Variants in KIF1A observed in about 807,000 individuals in gnomAD.
KIF1A encodes the protein kinesin-like protein KIF1A.
Under a neutral mutation model 227.3 loss-of-function variants are expected in KIF1A, and 46 were observed. The ratio of observed to expected loss-of-function variants is 0.20; its 90% CI spans 0.16 to 0.26. KIF1A has a LOEUF of 0.26. Ranked by LOEUF, KIF1A falls within the 10% of genes least tolerant of loss-of-function variation. The probability of loss-of-function intolerance (pLI) is 1.00; values close to 1 mark genes in which losing one functional copy is unlikely to be tolerated. For synonymous variants in KIF1A, 1,022 were observed against 1,012.8 expected (o/e 1.01, Z -0.17); for missense variants, 1,683 against 2,485.9 (o/e 0.68, Z 6.87).
chr2:240,722,797 C>T, intron 42 of KIF1A, 141 bp from the exon 43 acceptor site: 1 of 662,702 alleles, frequency 1.5e-6, no homozygotes, highest in Non-Finnish European at 2.4e-6. Context: ...AGACTGACAG[C>T]CCTCAGCTGT....
In KIF1A at chr2:240,771,052, G is replaced by A. The variant is rs1452649799; in HGVS notation, c.1260C>T (p.Ser420=). Residue 420 remains serine, a synonymous_variant, in exon 15 of 49, where the codon TCC becomes TCT. Coordinates refer to ENST00000498729, the MANE Select transcript of KIF1A (RefSeq NM_001244008.2). The stretch of plus-strand genomic sequence containing the variant: ...GGCTGGACACGGAGGCCGCGCGGCT[G>A]GACAGGGCTGAGAGCGAGGATGAGG... ...MSPSSSLSAL[S]SRAASVSSLH... The A allele has an allele frequency of 1.2e-6, 2 of 1,613,310 alleles. No homozygotes were observed. The highest frequency in any genetic ancestry group is 2.2e-5 in the East Asian group (1 of 44,886).
At chr2:240,809,886 T>TA (rs11336419) in intron 1 of KIF1A, among the ~76,000 whole-genome samples, 103 of 145,754 alleles carry the variant, frequency 7.1e-4, no homozygotes, top group East Asian at 4.6e-3. Context: ...TAAAGTATAA[T>TA]AAAAAAAAAA....
At chr2:240,796,295 C>A (rs576762969) in intron 2 of KIF1A, among the ~76,000 whole-genome samples, 8 of 152,230 alleles carry the variant, frequency 5.3e-5, no homozygotes, top group Non-Finnish European at 8.8e-5. Flanking sequence ...GCACTTTCTC[C>A]GACCACAAAA....
chr2:240,795,161 A>C (rs1215025655), intron 2 of KIF1A, among the ~76,000 whole-genome samples: 1 of 152,120 alleles, frequency 6.6e-6, no homozygotes, highest in Non-Finnish European at 1.5e-5. Flanking sequence ...TGCCCAAAAA[A>C]AGTGTAGGGG....
In KIF1A at chr2:240,792,313, G is replaced by T. The variant is rs1473344292; in HGVS notation, c.107-3001C>A. ...TTCCTTGTGCAGGTTTGAGGAGGGA[G>T]GAGGGAGAAACAGGTCCTCCCAGGG... On this transcript the variant is annotated intron_variant, in intron 2 of 48. Transcript: ENST00000498729. This position sits in a 1 kb window ranked among gnomAD's most constrained non-coding sequence, Gnocchi z 4.5. 6.6e-6 allele frequency among the ~76,000 whole-genome samples: 1 copy of T among 152,072 alleles called. No homozygotes were observed. Among genetic ancestry groups the T allele is most frequent in the Non-Finnish European group, 1.5e-5 (1 of 68,004 alleles).
Position 240,725,574 on chromosome 2 carries a change from C to T in KIF1A, c.4123-170G>A, listed in dbSNP as rs150197550. ...GCAGGAGAAAGTCTCTGCTCCTGCC[C>T]TCGAGAAAACCCCACTGGGGACAGG... On this transcript the variant is annotated intron_variant, in intron 39 of 48. Coordinates refer to ENST00000498729, the MANE Select transcript of KIF1A (RefSeq NM_001244008.2). This position sits in a 1 kb window ranked among gnomAD's most constrained non-coding sequence, Gnocchi z 5.8. 36 of 670,788 alleles carry T rather than the reference C, an allele frequency of 5.4e-5. No individual in the cohort carries two copies. The South Asian group carries it at 7.2e-4, about 13-fold the overall frequency. 41.6% of individuals were successfully genotyped at this position (670,788 alleles called of 1,614,324 possible).
chr2:240,810,912 G>A (rs2057814951), intron 1 of KIF1A, among the ~76,000 whole-genome samples: 1 of 152,236 alleles, frequency 6.6e-6, no homozygotes, highest in Admixed American at 6.5e-5. Flanking sequence ...GGTCGGCCGA[G>A]ATGCCGGGTG....
chr2:240,785,870 G>C (rs1030844979), intron 6 of KIF1A, among the ~76,000 whole-genome samples: 1 of 152,180 alleles, frequency 6.6e-6, no homozygotes, highest in Non-Finnish European at 1.5e-5. Flanking sequence ...GGAGTCTGTT[G>C]CCATGACAAC....
intron 28 of KIF1A, among the ~76,000 whole-genome samples, chr2:240,749,941 G>A (rs949463596): frequency 3.9e-5 from 6 of 152,138 alleles, no homozygotes; most frequent in African/African-American, 1.4e-4. Flanking sequence ...CAGGGGCCAG[G>A]GACTGGGCCT....
intron 8 of KIF1A, 135 bp from the exon 9 acceptor site, chr2:240,783,244 T>C (rs558110312): frequency 1.3e-6 from 1 of 754,778 alleles, no homozygotes; most frequent in South Asian, 1.5e-5. Context: ...TGGGGCCACT[T>C]GGGCGTGGGG....
chr2:240,719,866 G>T lies in KIF1A; in HGVS notation c.4929C>A (p.Asp1643Glu), dbSNP rs2125575164. The change falls in exon 46 of 49, where the codon GAC (aspartate) becomes GAA (glutamate). Residue 1643 changes from aspartate to glutamate, a missense_variant. By Grantham distance (45) the Asp-to-Glu change is conservative. Transcript: ENST00000498729. ...SPEPELLPEADSKKLPSPARA... is the reference protein window; with the variant it reads ...SPEPELLPEAESKKLPSPARA... ...GGGCAGGGGAAGGGAGCTTCTTGGA[G>T]TCGGCCTCTGGCAGCAGCTCGGGCT... The T allele has an allele frequency of 6.2e-7, 1 of 1,612,104 alleles. No individual in the cohort carries two copies.
intron 10 of KIF1A, chr2:240,782,250 C>A: frequency 1.0e-6 from 1 of 954,502 alleles, no homozygotes; most frequent in Non-Finnish European, 1.2e-6. Context: ...CTCAGGGCTC[C>A]CCAGCCCTCT....
chr2:240,728,283 TG>T, intron 38 of KIF1A: 1 of 598,092 alleles, frequency 1.7e-6, no homozygotes, highest in Non-Finnish European at 2.9e-6. Flanking sequence ...GGACAGCGGG[TG>T]GTCAGAGAAA....
chr2:240,725,180 T>A lies in KIF1A; in HGVS notation c.4256+91A>T. 7.2e-7 allele frequency: 1 copy of A among 1,387,434 alleles called. No individual in the cohort carries two copies. Among genetic ancestry groups the A allele is most frequent in the Non-Finnish European group, 9.8e-7 (1 of 1,017,084 alleles). The allele number at this position is 1,387,434 out of a possible 1,614,324, so 85.9% of individuals were successfully genotyped here. A position where few individuals can be genotyped will look rare whatever the true frequency, so the allele number is the denominator to read the frequency against. ...GCCTCGCACAGGGTGAGCTGCCGGG[T>A]GGCCCAAGGACCGCTGCCAGGCAGA... On this transcript the variant is annotated intron_variant, in intron 40 of 48. Coordinates refer to ENST00000498729, the MANE Select transcript of KIF1A (RefSeq NM_001244008.2). This position sits in a 1 kb window ranked among gnomAD's most constrained non-coding sequence, Gnocchi z 5.8.
chr2:240,749,509 G>C (rs13417357), intron 28 of KIF1A, among the ~76,000 whole-genome samples: 2,029 of 152,284 alleles, frequency 0.013, 30 homozygotes, highest in African/African-American at 0.045. Flanking sequence ...GGCAGCCAAG[G>C]CCTTTGAGAG....
chr2:240,793,913 C>A lies in KIF1A; in HGVS notation c.106+3734G>T, dbSNP rs1328519692. 6.6e-6 allele frequency among the ~76,000 whole-genome samples: 1 copy of A among 152,202 alleles called. No homozygotes were observed. Among genetic ancestry groups the A allele is most frequent in the Non-Finnish European group, 1.5e-5 (1 of 68,028 alleles). On this transcript the variant is annotated intron_variant, in intron 2 of 48. Coordinates refer to ENST00000498729, the MANE Select transcript of KIF1A (RefSeq NM_001244008.2). This position sits in a 1 kb window ranked among gnomAD's most constrained non-coding sequence, Gnocchi z 4.8. ...ACGACATCCTCTGAGGGGCCCCGCA[C>A]AGTCCCCGCCATCTTCCGAGGGGCC...
intron 41 of KIF1A, 49 bp downstream of exon 41, chr2:240,723,926 G>C: frequency 6.7e-7 from 1 of 1,503,368 alleles, no homozygotes; most frequent in Admixed American, 1.7e-5. Context: ...AGTGGGCAGA[G>C]GTTGAGCAGG....
chr2:240,727,733 C>T (rs1467044809), intron 38 of KIF1A, among the ~76,000 whole-genome samples: 3 of 152,198 alleles, frequency 2.0e-5, no homozygotes, highest in Non-Finnish European at 4.4e-5. Flanking sequence ...GGGCCAGCCC[C>T]AGGGGCCTGG....
chr2:240,790,477 G>A lies in KIF1A; in HGVS notation c.107-1165C>T, dbSNP rs536262868. Among the ~76,000 whole-genome samples, 6 of 152,120 alleles carry A rather than the reference G, an allele frequency of 3.9e-5. No homozygotes were observed. Among genetic ancestry groups the A allele is most frequent in the African/African-American group, 1.4e-4 (6 of 41,504 alleles). The stretch of plus-strand genomic sequence containing the variant: ...AGCCTCCAGTATGCCCGCACCCTCC[G>A]TGCCAGCATGCACCCTGGGGACCTG... On this transcript the variant is annotated intron_variant, in intron 2 of 48. Transcript: ENST00000498729. This position sits in a 1 kb window ranked among gnomAD's most constrained non-coding sequence, Gnocchi z 5.0.
Sources: allele counts gnomAD v4.1 joint callset (sites outside exome capture counted in the v4.1 genomes callset), GRCh38; gene constraint gnomAD v4.1.1; non-coding constraint Gnocchi (gnomAD v3.1); transcripts MANE v1.5; gene names NCBI Gene and HGNC (gene_info 2026-07-23, HGNC 2026-07-21).